The following PCDH11X variants were observed in gnomAD, a reference collection of about 807,000 sequenced individuals.
PCDH11X encodes protocadherin-11 X-linked.
PCDH11X carries 18 observed loss-of-function variants against 53.3 expected under a neutral mutation model. That is an observed-to-expected ratio of 0.34 (90% CI 0.23 to 0.50). The LOEUF (loss-of-function observed/expected upper bound fraction) is 0.50, where lower values mean the gene tolerates loss of function less well. Among genes scored for constraint, PCDH11X ranks in the 20% least tolerant of loss-of-function variants. The probability of loss-of-function intolerance (pLI) is 0.98; values close to 1 mark genes in which losing one functional copy is unlikely to be tolerated. For synonymous variants in PCDH11X, 279 were observed against 393.3 expected (o/e 0.71, Z 3.44); for missense variants, 570 against 1,032.4 (o/e 0.55, Z 6.14).
chrX:92,544,577 TACTCCCTTTGGTCTTGTCTTATGTGA>T (rs2074814016), intron 10 of PCDH11X, among the ~76,000 whole-genome samples: 1 of 108,975 alleles, frequency 9.2e-6, no homozygotes, highest in African/African-American at 3.3e-5. Flanking sequence ...TTTTTTTTCT[TACTCCCTTTGGTCTTGTCTTATGTGA>T]ACTCCCTTTG....
intron 6 of PCDH11X, among the ~76,000 whole-genome samples, chrX:91,992,862 A>C (rs1602635305): frequency 8.9e-6 from 1 of 112,143 alleles, no homozygotes; most frequent in Non-Finnish European, 1.9e-5. Context: ...GCAAGGACTT[A>C]GGTCTGGTAG....
At chrX:92,274,579 C>A (rs1180114338) in intron 8 of PCDH11X, among the ~76,000 whole-genome samples, 1 of 111,195 alleles carries the variant, frequency 9.0e-6, no homozygotes, top group African/African-American at 3.3e-5. Context: ...TTGAGTAAAG[C>A]TAATTTGCCA....
At chrX:92,187,255 C>T (rs1018432535) in intron 6 of PCDH11X, among the ~76,000 whole-genome samples, 2 of 111,355 alleles carry the variant, frequency 1.8e-5, no homozygotes, top group African/African-American at 6.5e-5. Context: ...AGAGGCTACC[C>T]GCAGTCCTGG....
At chrX:92,208,009 A>G (rs1336424412) in intron 7 of PCDH11X, among the ~76,000 whole-genome samples, 3 of 109,587 alleles carry the variant, frequency 2.7e-5, no homozygotes, top group Non-Finnish European at 3.8e-5. Context: ...AACCTGGCCA[A>G]GGTGGTGAAA....
chrX:91,939,598 G>A (rs941530149), intron 6 of PCDH11X, among the ~76,000 whole-genome samples: 4 of 108,683 alleles, frequency 3.7e-5, no homozygotes, highest in South Asian at 4.0e-4. Flanking sequence ...AAAATGTAAC[G>A]CAGCCAGAGA....
At chrX:92,422,595 G>A (rs1049643686) in intron 9 of PCDH11X, among the ~76,000 whole-genome samples, 6 of 111,177 alleles carry the variant, frequency 5.4e-5, no homozygotes, top group African/African-American at 9.8e-5. Flanking sequence ...TTTTGAAATC[G>A]CAAATTGTGC....
At chrX:92,010,495 T>C (rs1463476860) in intron 6 of PCDH11X, among the ~76,000 whole-genome samples, 1 of 110,844 alleles carries the variant, frequency 9.0e-6, no homozygotes, top group Non-Finnish European at 1.9e-5. Context: ...TTATTATAAA[T>C]TCATCACAAT....
chrX:92,200,792 A>T (rs2066376485), intron 6 of PCDH11X, among the ~76,000 whole-genome samples: 1 of 112,701 alleles, frequency 8.9e-6, no homozygotes, highest in Non-Finnish European at 1.9e-5. Flanking sequence ...ATATTCACAT[A>T]TATAGCCCTT....
intron 8 of PCDH11X, among the ~76,000 whole-genome samples, chrX:92,267,063 A>T (rs779676421): frequency 1.8e-5 from 2 of 111,991 alleles, no homozygotes; most frequent in Non-Finnish European, 3.8e-5. Context: ...TTCAACTAAA[A>T]AGGGAATTAC....
In PCDH11X at chrX:92,306,989, G is replaced by C. The variant is rs750611821; in HGVS notation, c.3144+43846G>C. Among the ~76,000 whole-genome samples, 656 of 108,501 alleles carry C rather than the reference G, an allele frequency of 6.0e-3. 3 individuals are homozygous for C. The highest frequency in any genetic ancestry group is 0.021 in the African/African-American group (620 of 29,807). 94.2% of individuals were successfully genotyped at this position (108,501 alleles called of 115,157 possible). ...CAAAAAATAAAAAACTCTTAACAAA[G>C]AAAAGCTCAGGACCAGATGTGTTTA... On this transcript the variant is annotated intron_variant, in intron 8 of 10. Coordinates refer to ENST00000682573, the MANE Select transcript of PCDH11X (RefSeq NM_032968.5).
chrX:92,420,665 G>T, intron 9 of PCDH11X: 1 of 181,026 alleles, frequency 5.5e-6, no homozygotes, highest in Non-Finnish European at 1.1e-5. Flanking sequence ...AGAGAACATT[G>T]GTAATTCAAA....
intron 10 of PCDH11X, among the ~76,000 whole-genome samples, chrX:92,505,152 C>CTTTTTTTTTTTTTTTTTTTTTTTTT (rs58620449): frequency 7.8e-5 from 5 of 64,271 alleles, no homozygotes; most frequent in African/African-American, 2.0e-4. Flanking sequence ...TTTCTTTTTT[C>CTTTTTTTTTTTTTTTTTTTTTTTTT]TTTTTTTTTT....
intron 7 of PCDH11X, among the ~76,000 whole-genome samples, chrX:92,221,992 C>T (rs750426653): frequency 2.3e-4 from 26 of 111,177 alleles, no homozygotes; most frequent in Non-Finnish European, 4.0e-4. Context: ...CGCCACCATA[C>T]TCAGCTAATT....
intron 1 of PCDH11X, among the ~76,000 whole-genome samples, chrX:91,791,249 CTA>C (rs1243400854): frequency 9.1e-6 from 1 of 110,024 alleles, no homozygotes; most frequent in Non-Finnish European, 1.9e-5. Flanking sequence ...TCTTGCATTG[CTA>C]TAAAGAACTA....
intron 8 of PCDH11X, among the ~76,000 whole-genome samples, chrX:92,383,902 C>G (rs1487422893): frequency 8.9e-6 from 1 of 111,908 alleles, no homozygotes; most frequent in Admixed American, 9.5e-5. Context: ...AATCGCCACA[C>G]TGTCTTCCAC....
At chrX:92,095,566 C>T (rs5984877) in intron 6 of PCDH11X, among the ~76,000 whole-genome samples, 5,042 of 110,733 alleles carry the variant, frequency 0.046, 276 homozygotes, top group African/African-American at 0.16. Context: ...GATGTTGTCA[C>T]CACTATAGTC....
chrX:92,050,716 C>T (rs1483109888), intron 6 of PCDH11X, among the ~76,000 whole-genome samples: 4 of 109,910 alleles, frequency 3.6e-5, no homozygotes, highest in Non-Finnish European at 5.7e-5. Flanking sequence ...CTTTATATTC[C>T]GAGTACCTAG....
intron 6 of PCDH11X, among the ~76,000 whole-genome samples, chrX:92,021,577 A>G (rs1569312609): frequency 9.4e-6 from 1 of 106,302 alleles, no homozygotes; most frequent in African/African-American, 3.4e-5. Flanking sequence ...GGAGAATGAA[A>G]CCAAGTTAGA....
intron 6 of PCDH11X, among the ~76,000 whole-genome samples, chrX:92,011,231 G>T (rs1311629957): frequency 8.9e-6 from 1 of 111,732 alleles, no homozygotes; most frequent in African/African-American, 3.3e-5. Flanking sequence ...ATTTCTTTGG[G>T]TATATAACCA....
Sources: gnomAD v4.1 joint callset for allele counts (sites outside exome capture counted in the v4.1 genomes callset) on GRCh38, gnomAD v4.1.1 for gene constraint, MANE v1.5 for transcripts, NCBI Gene and HGNC (gene_info 2026-07-23, HGNC 2026-07-21) for gene names.